Variants in ISY1 observed in about 807,000 individuals in gnomAD.
ISY1 encodes pre-mRNA-splicing factor ISY1 homolog.
Under a neutral mutation model 54.4 loss-of-function variants are expected in ISY1, and 12 were observed. The observed-to-expected ratio is 0.22, with a 90% CI of 0.14 to 0.36. The LOEUF (loss-of-function observed/expected upper bound fraction) is 0.36. Ranked by LOEUF, ISY1 falls within the 10% of genes least tolerant of loss-of-function variation. ISY1 has a pLI of 1.00. For missense variants in ISY1, 282 were observed against 342.2 expected (o/e 0.82, Z 1.39); for synonymous variants, 96 against 117.9 (o/e 0.81, Z 1.20).
rs143339207 is a variant in ISY1, at chr3:129,139,637, C to G, written c.418+731G>C. Among the ~76,000 whole-genome samples the G allele has an allele frequency of 4.3e-3, 647 of 151,634 alleles. 4 individuals are homozygous for G. The highest frequency in any genetic ancestry group is 7.1e-3 in the Non-Finnish European group (480 of 67,884). On this transcript the variant is annotated intron_variant, in intron 7 of 10. Transcript: ENST00000393295. ...ATTTGGATTCACACAAAAGTAGCTCCACTTTTCTCCTTTTTTTTTTTTGAG... is the reference window on the plus strand; with the variant it reads ...ATTTGGATTCACACAAAAGTAGCTCGACTTTTCTCCTTTTTTTTTTTTGAG...
chr3:129,134,988 G>A lies in ISY1; in HGVS notation c.419-34C>T, dbSNP rs958943271. On this transcript the variant is annotated intron_variant, in intron 7 of 10. Coordinates refer to ENST00000393295, the MANE Select transcript of ISY1 (RefSeq NM_020701.4). ...AACAGAAATGGAGCTGAGTTTCCAA[G>A]TCATAATCACACTCCAGCGAAGCTG... 14 of 1,581,890 alleles carry A rather than the reference G, an allele frequency of 8.9e-6. No individual in the cohort carries two copies. In the African/African-American group the frequency reaches 1.4e-4, roughly 15 times the overall value.
intron 5 of ISY1, among the ~76,000 whole-genome samples, chr3:129,146,671 G>A (rs920708955): frequency 1.3e-5 from 2 of 152,076 alleles, no homozygotes; most frequent in African/African-American, 4.8e-5. Flanking sequence ...GCTTTCACGG[G>A]TATAAAAATC....
chr3:129,160,113 C>T (rs971847941), intron 1 of ISY1, among the ~76,000 whole-genome samples: 13 of 151,992 alleles, frequency 8.6e-5, no homozygotes, highest in Admixed American at 7.2e-4. Context: ...GCAAACTCCG[C>T]CTCCCGGGTT....
At chr3:129,136,183 C>A (rs576215736) in intron 7 of ISY1, among the ~76,000 whole-genome samples, 2 of 151,584 alleles carry the variant, frequency 1.3e-5, no homozygotes, top group East Asian at 3.9e-4. Flanking sequence ...CTCACTGCAA[C>A]CTCTGCATCC....
rs185116115 is a variant in ISY1, at chr3:129,135,203, C to T, written c.419-249G>A. ...CTCTACTAAAAATACAAAAATTAGC[C>T]GGGCGTGGTGGTGCGCACCTGTAAT... is the stretch of plus-strand genomic sequence containing the variant. On this transcript the variant is annotated intron_variant, in intron 7 of 10. Transcript: ENST00000393295. Among the ~76,000 whole-genome samples the T allele has an allele frequency of 9.5e-4, 144 of 152,062 alleles. 3 individuals carry two copies. In the East Asian group the frequency reaches 0.025, roughly 26 times the overall value.
intron 9 of ISY1, among the ~76,000 whole-genome samples, chr3:129,132,421 C>T (rs1358617077): frequency 2.6e-5 from 4 of 152,198 alleles, no homozygotes; most frequent in African/African-American, 7.2e-5. Flanking sequence ...TCCACTCACA[C>T]CCAGCACCCA....
rs1460098803 is a variant in ISY1 at position 129,129,366 on chromosome 3, C to G, written c.*715G>C. ...GACCTGGTCATTGACTTGTGGGTTG[C>G]GTGCATCTTTTTTTTTTTTTTTTTT... On this transcript the variant is annotated 3_prime_UTR_variant, in exon 11 of 11. Transcript: ENST00000393295. The G allele has an allele frequency of 2.7e-5, 4 of 148,464 alleles. No homozygotes were observed. The highest frequency in any genetic ancestry group is 2.0e-4 in the Admixed American group (3 of 14,968). 9.2% of individuals were successfully genotyped at this position (148,464 alleles called of 1,614,324 possible).
chr3:129,145,872 A>G lies in ISY1; in HGVS notation c.189T>C (p.Ala63=), dbSNP rs199852648. ...CACGAATTCGAAATTCACCTAAACC[A>G]GCTAGAAAACAAAAAGGTTAACAAT... ...ISKKVAQIQN[A]GLGEFRIRDL... The change falls in exon 6 of 11, where the codon GCT becomes GCC. Residue 63 remains alanine, a splice_region_variant and synonymous_variant. Transcript: ENST00000393295. 89 of 1,614,164 alleles carry G rather than the reference A, an allele frequency of 5.5e-5. No homozygotes were observed. The African/African-American group carries it at 1.1e-3, about 21-fold the overall frequency.
rs1386685072 is a variant in ISY1 at position 129,130,619 on chromosome 3, G to A, written c.681C>T (p.Ser227=). The A allele has an allele frequency of 6.2e-7, 1 of 1,614,052 alleles. No individual in the cohort carries two copies. The highest frequency in any genetic ancestry group is 8.5e-7 in the Non-Finnish European group (1 of 1,179,976). Residue 227 remains serine (S), a synonymous_variant, in exon 10 of 11, where the codon AGC becomes AGT. Coordinates refer to ENST00000393295, the MANE Select transcript of ISY1 (RefSeq NM_020701.4). ...VTEEESDEEG[S]QEKGGDDSQQ... is the part of the protein sequence containing the mutation. ...GGCTGTCGTCCCCTCCTTTCTCCTG[G>A]CTGCCTTCCTCGTCCGACTACAAAC...
rs770345346 is a variant in ISY1, at chr3:129,156,885, T to C, written c.114A>G (p.Glu38=). The C allele has an allele frequency of 1.2e-6, 2 of 1,613,954 alleles. No individual in the cohort carries two copies. The highest frequency in any genetic ancestry group is 2.7e-5 in the African/African-American group (2 of 74,930). ...RRPFLASECT[E]LPKAEKWRRQ... ...GTCTCCACTTCTCAGCTTTAGGCAG[T>C]TCAGTACATTCTGAGGCCAGAAAGG... is the stretch of plus-strand genomic sequence containing the variant. Residue 38 remains glutamate (E), a synonymous_variant, in exon 4 of 11, where the codon GAA becomes GAG. Coordinates refer to ENST00000393295, the MANE Select transcript of ISY1 (RefSeq NM_020701.4).
At chr3:129,153,874 G>A (rs1245922649) in intron 5 of ISY1, among the ~76,000 whole-genome samples, 7 of 152,114 alleles carry the variant, frequency 4.6e-5, no homozygotes, top group Non-Finnish European at 1.0e-4. Flanking sequence ...GAAGGCCGAG[G>A]AGGGTGGATC....
intron 6 of ISY1, 46 bp from the exon 7 acceptor site, chr3:129,140,531 G>C (rs1482281776): frequency 6.5e-7 from 1 of 1,534,862 alleles, no homozygotes. Flanking sequence ...TAGTTAGTTA[G>C]TTAGTTATTA....
chr3:129,143,393 C>T (rs1936679467), intron 6 of ISY1, among the ~76,000 whole-genome samples: 1 of 150,890 alleles, frequency 6.6e-6, no homozygotes. Context: ...ATAATCTCAG[C>T]TGCTCTGGAG....
In ISY1 at chr3:129,156,693, T is replaced by C. The variant is rs1197723554; in HGVS notation, c.145-18A>G. 1.9e-6 allele frequency: 3 copies of C among 1,589,380 alleles called. No individual in the cohort carries two copies. The highest frequency in any genetic ancestry group is 2.6e-6 in the Non-Finnish European group (3 of 1,169,072). On this transcript the variant is annotated intron_variant, in intron 4 of 10. Transcript: ENST00000393295. Reference sequence around the variant, plus strand: ...CCAATGATCTATTAAAAAAAAGTAATACATTTTAATAATTTTTGAATATGT... The same window carrying C: ...CCAATGATCTATTAAAAAAAAGTAACACATTTTAATAATTTTTGAATATGT...
intron 5 of ISY1, among the ~76,000 whole-genome samples, chr3:129,154,878 C>T (rs529088898): frequency 0.01 from 1,568 of 151,690 alleles, 12 homozygotes; most frequent in Non-Finnish European, 0.016. Context: ...TTAGTAAAGA[C>T]GGGGTTTCAC....
intron 5 of ISY1, among the ~76,000 whole-genome samples, chr3:129,156,390 C>T (rs1290663278): frequency 1.9e-5 from 2 of 105,408 alleles, no homozygotes; most frequent in African/African-American, 5.9e-5. Context: ...CAGAGTGAGA[C>T]TCTGTCTCAA....
chr3:129,139,647 C>CT (rs1444592822), intron 7 of ISY1, among the ~76,000 whole-genome samples: 121 of 145,514 alleles, frequency 8.3e-4, no homozygotes, highest in Middle Eastern at 3.5e-3. Context: ...CACTTTTCTC[C>CT]TTTTTTTTTT....
At chr3:129,130,866 G>A (rs1239801865) in intron 9 of ISY1, among the ~76,000 whole-genome samples, 2 of 152,180 alleles carry the variant, frequency 1.3e-5, no homozygotes, top group African/African-American at 2.4e-5. Flanking sequence ...AATTACTGAC[G>A]GCAGTGAGAC....
chr3:129,144,596 A>G (rs1348363414), intron 6 of ISY1, among the ~76,000 whole-genome samples: 1 of 152,242 alleles, frequency 6.6e-6, no homozygotes, highest in Admixed American at 6.5e-5. Flanking sequence ...CCATTAGTGC[A>G]TCATGAAATC....
Sources: allele counts gnomAD v4.1 joint callset (sites outside exome capture counted in the v4.1 genomes callset), GRCh38; gene constraint gnomAD v4.1.1; transcripts MANE v1.5; gene names NCBI Gene and HGNC (gene_info 2026-07-23, HGNC 2026-07-21).